Variants in YIPF2 observed in about 807,000 individuals in gnomAD.
YIPF2 encodes Yip1 domain family member 2.
In YIPF2, 30 loss-of-function variants were observed where a neutral mutation model predicts 38.8. That is an observed-to-expected ratio of 0.77 (90% CI 0.58 to 1.05). The LOEUF (loss-of-function observed/expected upper bound fraction) is 1.05. YIPF2 is among the 50% of genes least tolerant of loss of function. The pLI is 0.00. For synonymous variants in YIPF2, 194 were observed against 183.8 expected (o/e 1.06, Z -0.45); for missense variants, 401 against 409.7 (o/e 0.98, Z 0.18).
rs919453770 is a variant in YIPF2 at position 10,924,327 on chromosome 19, C to A, written c.368-135G>T. On this transcript the variant is annotated intron_variant, in intron 5 of 9. Transcript: ENST00000586748. ...CCTGACTCACCAGGACACCGGGGGC[C>A]TCCTGGTGGCTGAGCCCAGTGCTGG... 1.8e-5 allele frequency: 13 copies of A among 729,364 alleles called. No homozygotes were observed. In the Admixed American group the frequency reaches 2.2e-4, roughly 12 times the overall value. 45.2% of individuals were successfully genotyped at this position (729,364 alleles called of 1,614,324 possible).
chr19:10,927,856 G>A lies in YIPF2; in HGVS notation c.135C>T (p.Gly45=), dbSNP rs903599167. ...CCTCGGCTCCATAGCTGCCACCTGA[G>A]CCCACGGCCACAGCCACGTGCCCTT... ...TPQGHVAVAV[G]SGGSYGAEDE... is the part of the protein sequence containing the mutation. The change falls in exon 3 of 10, where the codon GGC becomes GGT. Residue 45 remains glycine, a synonymous_variant. Transcript: ENST00000586748. The A allele has an allele frequency of 1.9e-6, 3 of 1,611,266 alleles. No homozygotes were observed. Among genetic ancestry groups the A allele is most frequent in the Non-Finnish European group, 2.5e-6 (3 of 1,178,088 alleles).
In YIPF2 at chr19:10,923,370, G is replaced by A; in HGVS notation, c.872C>T (p.Ala291Val). The A allele has an allele frequency of 6.2e-7, 1 of 1,613,614 alleles. No homozygotes were observed. Among genetic ancestry groups the A allele is most frequent in the Non-Finnish European group, 8.5e-7 (1 of 1,179,776 alleles). Residue 291 changes from alanine (A) to valine (V), a missense_variant, in exon 9 of 10, where the codon GCT (alanine) becomes GTT (valine). Coordinates refer to ENST00000586748, the MANE Select transcript of YIPF2 (RefSeq NM_001321439.2). ...FFQSLPPENVAPPPQITSLPS... is the reference protein window; with the variant it reads ...FFQSLPPENVVPPPQITSLPS... ...CAGAGATGTGATTTGGGGTGGAGGA[G>A]CCACGTTCTCCGGAGGCAGCGACTG...
At chr19:10,923,443 C>G in intron 8 of YIPF2, 36 bp from the exon 9 acceptor site, 1 of 1,613,010 alleles carries the variant, frequency 6.2e-7, no homozygotes, top group Non-Finnish European at 8.5e-7. Context: ...GCAGGGCCAG[C>G]CCATGCCCCC....
At position 10,928,558 on chromosome 19, in the gene YIPF2, C is replaced by T; in HGVS notation, c.-78G>A. 8.7e-7 allele frequency: 1 copy of T among 1,142,916 alleles called. No individual in the cohort carries two copies. Among genetic ancestry groups the T allele is most frequent in the Non-Finnish European group, 1.2e-6 (1 of 859,098 alleles). The allele number at this position is 1,142,916 out of a possible 1,614,324, so 70.8% of individuals were successfully genotyped here. ...GAGGCTTGAACTCGTCGTCCCGTCC[C>T]CACAGGTGCGCTCCGCCCCCCCTCA... On this transcript the variant is annotated 5_prime_UTR_variant, in exon 1 of 10. Coordinates refer to ENST00000586748, the MANE Select transcript of YIPF2 (RefSeq NM_001321439.2).
chr19:10,926,400 G>A (rs990891162), intron 4 of YIPF2, among the ~76,000 whole-genome samples: 2 of 151,040 alleles, frequency 1.3e-5, no homozygotes, highest in African/African-American at 2.4e-5. Context: ...CTAATTTTTT[G>A]TATTTTTAGT....
At chr19:10,928,202 C>A (rs1004454312) in intron 2 of YIPF2, among the ~76,000 whole-genome samples, 178 bp downstream of exon 2, 3 of 90,212 alleles carry the variant, frequency 3.3e-5, no homozygotes, top group Admixed American at 3.1e-4. Context: ...ACGAGAGGCT[C>A]GGGTTTGAGG....
At chr19:10,926,080 G>GCACCCCCT (rs2083420678) in intron 4 of YIPF2, among the ~76,000 whole-genome samples, 1 of 150,984 alleles carries the variant, frequency 6.6e-6, no homozygotes, top group African/African-American at 2.4e-5. Context: ...CTGGCTAATA[G>GCACCCCCT]TTGTATTTTT....
Position 10,924,197 on chromosome 19 carries a change from G to A in YIPF2, c.368-5C>T. 1.2e-6 allele frequency: 2 copies of A among 1,609,026 alleles called. No homozygotes were observed. The highest frequency in any genetic ancestry group is 2.2e-5 in the East Asian group (1 of 44,862). ...TGGCACAGATCCAGAAGGGGCCTGG[G>A]GGTAGGGGGCACAGTCAGGGTCCCG... On this transcript the variant is annotated splice_polypyrimidine_tract_variant and splice_region_variant and intron_variant, in intron 5 of 9. Transcript: ENST00000586748.
chr19:10,927,322 T>A (rs1307516288), intron 4 of YIPF2, among the ~76,000 whole-genome samples: 1 of 152,198 alleles, frequency 6.6e-6, no homozygotes, highest in East Asian at 1.9e-4. Context: ...GTCTTCTGCA[T>A]ATGCTGTTCC....
chr19:10,926,777 C>T (rs536863821), intron 4 of YIPF2, among the ~76,000 whole-genome samples: 5 of 151,882 alleles, frequency 3.3e-5, no homozygotes, highest in Non-Finnish European at 7.4e-5. Flanking sequence ...TCCACCGCCT[C>T]GGCATCCCAA....
Position 10,923,613 on chromosome 19 carries a change from G to A in YIPF2, c.716C>T (p.Ser239Leu). 1 of 1,613,052 alleles carries A rather than the reference G, an allele frequency of 6.2e-7. No homozygotes were observed. The highest frequency in any genetic ancestry group is 1.1e-5 in the South Asian group (1 of 91,054). ...WLFGALALGL[S>L]AAGLVFTLWP... is the part of the protein sequence containing the mutation. ...GAGGGTGAATACCAGCCCGGCGGCT[G>A]ACAGGCCCAGGGCCAGCGCCCCAAA... The change falls in exon 8 of 10, where the codon TCA (serine) becomes TTA (leucine). Residue 239 changes from serine to leucine, a missense_variant. Ser to Leu is a moderately radical substitution (Grantham distance 145). Transcript: ENST00000586748.
intron 5 of YIPF2, among the ~76,000 whole-genome samples, chr19:10,924,899 G>A (rs1417766774): frequency 1.3e-5 from 2 of 151,698 alleles, no homozygotes; most frequent in African/African-American, 2.4e-5. Context: ...TTCCGCCCTC[G>A]CCACTCATGA....
At chr19:10,928,477 GC>G in intron 1 of YIPF2, 33 bp downstream of exon 1, 1 of 1,288,720 alleles carries the variant, frequency 7.8e-7, no homozygotes, top group Non-Finnish European at 9.9e-7. Context: ...CTTCCCCCCC[GC>G]CCCCGAGCCG....
chr19:10,925,449 T>C (rs1192809325), intron 5 of YIPF2, among the ~76,000 whole-genome samples: 1 of 151,328 alleles, frequency 6.6e-6, no homozygotes, highest in East Asian at 1.9e-4. Context: ...TCCCTCACCC[T>C]CCTCAGGGAG....
intron 5 of YIPF2, among the ~76,000 whole-genome samples, chr19:10,924,910 T>C (rs1033861683): frequency 2.0e-5 from 3 of 152,064 alleles, no homozygotes; most frequent in African/African-American, 4.8e-5. Flanking sequence ...CCACTCATGA[T>C]GGCGAGAGGG....
chr19:10,926,834 TATTTTATTTTATTTTTTATTTA>T (rs1296998149), intron 4 of YIPF2, among the ~76,000 whole-genome samples: 1 of 151,770 alleles, frequency 6.6e-6, no homozygotes, highest in Non-Finnish European at 1.5e-5. Flanking sequence ...CTAATTTTTC[TATTTTATTTTATTTTTTATTTA>T]ATTTTATTTT....
intron 4 of YIPF2, 32 bp from the exon 5 acceptor site, chr19:10,925,805 T>C (rs1240894123): frequency 6.2e-7 from 1 of 1,608,406 alleles, no homozygotes; most frequent in Non-Finnish European, 8.5e-7. Flanking sequence ...AGGATGGAAG[T>C]CTGCCAGGAG....
Position 10,923,456 on chromosome 19 carries a change from A to C in YIPF2, c.834+39T>G, listed in dbSNP as rs781704633. 46 of 1,612,970 alleles carry C rather than the reference A, an allele frequency of 2.9e-5. 1 individual carries two copies. The South Asian group carries it at 5.1e-4, about 18-fold the overall frequency. The stretch of plus-strand genomic sequence containing the variant: ...AGGCAGGGCCAGCCCATGCCCCCCT[A>C]GCCCCTCGGCCCCACCTGTGGCCAC... On this transcript the variant is annotated intron_variant, in intron 8 of 9. Transcript: ENST00000586748.
chr19:10,928,456 G>T lies in YIPF2; in HGVS notation c.-30-16C>A. On this transcript the variant is annotated splice_polypyrimidine_tract_variant and intron_variant, in intron 1 of 9. Coordinates refer to ENST00000586748, the MANE Select transcript of YIPF2 (RefSeq NM_001321439.2). ...GCATCCCTCGCTGAGGACAGAGACC[G>T]GTCAGGCACACTTCCCCCCCGCCCC... is the stretch of plus-strand genomic sequence containing the variant. The T allele has an allele frequency of 1.5e-6, 2 of 1,356,172 alleles. No individual in the cohort carries two copies. The highest frequency in any genetic ancestry group is 2.0e-5 in the South Asian group (1 of 49,424). 84.0% of individuals were successfully genotyped at this position (1,356,172 alleles called of 1,614,324 possible). A position where few individuals can be genotyped will look rare whatever the true frequency, so the allele number is the denominator to read the frequency against.
Sources: allele counts gnomAD v4.1 joint callset (sites outside exome capture counted in the v4.1 genomes callset), GRCh38; gene constraint gnomAD v4.1.1; transcripts MANE v1.5; gene names NCBI Gene and HGNC (gene_info 2026-07-23, HGNC 2026-07-21).